CDKAL1: variants seen among roughly 807,000 people sequenced by gnomAD.
CDKAL1 encodes threonylcarbamoyladenosine tRNA methylthiotransferase.
A neutral mutation model predicts 68.2 loss-of-function variants in CDKAL1; 32 were observed. The ratio of observed to expected loss-of-function variants is 0.47; its 90% CI spans 0.35 to 0.63. The LOEUF is 0.63. Among genes scored for constraint, CDKAL1 ranks in the 30% least tolerant of loss-of-function variants. The pLI, the probability that CDKAL1 is intolerant of heterozygous loss-of-function variation, is 0.00. For synonymous variants in CDKAL1, 234 were observed against 244.3 expected (o/e 0.96, Z 0.39); for missense variants, 606 against 696.7 (o/e 0.87, Z 1.47).
chr6:20,587,161 A>AT (rs1388073985), intron 4 of CDKAL1, among the ~76,000 whole-genome samples: 1 of 151,280 alleles, frequency 6.6e-6, no homozygotes, highest in African/African-American at 2.4e-5. Flanking sequence ...TAATTTTTGT[A>AT]TTTTTAGTAG....
intron 5 of CDKAL1, among the ~76,000 whole-genome samples, chr6:20,652,122 A>T (rs557865422): frequency 2.5e-4 from 38 of 152,246 alleles, no homozygotes; most frequent in African/African-American, 8.4e-4. Flanking sequence ...TTTCAGGAGG[A>T]TGGCTTTTTG....
At chr6:20,894,474 T>C (rs181058653) in intron 9 of CDKAL1, among the ~76,000 whole-genome samples, 1 of 151,454 alleles carries the variant, frequency 6.6e-6, no homozygotes, top group East Asian at 1.9e-4. Context: ...TTATTAATAC[T>C]TCAAATTTTT....
At chr6:21,016,993 T>C (rs1418945456) in intron 11 of CDKAL1, among the ~76,000 whole-genome samples, 1 of 152,244 alleles carries the variant, frequency 6.6e-6, no homozygotes, top group East Asian at 1.9e-4. Context: ...CAAAATTGTT[T>C]CTTAGCTCCC....
In CDKAL1 at chr6:20,961,139, C is replaced by T. The variant is rs113378431; in HGVS notation, c.909+5554C>T. Among the ~76,000 whole-genome samples the T allele has an allele frequency of 1.8e-3, 272 of 152,280 alleles. 2 individuals carry two copies. Among genetic ancestry groups the T allele is most frequent in the African/African-American group, 6.0e-3 (250 of 41,552 alleles). On this transcript the variant is annotated intron_variant, in intron 10 of 15. Coordinates refer to ENST00000274695, the MANE Select transcript of CDKAL1 (RefSeq NM_017774.3). Reference sequence around the variant, plus strand: ...TTTATGTATTTAAGACACATGCATGCATATGTTCATTGCAGCACTATGCAC... The same window carrying T: ...TTTATGTATTTAAGACACATGCATGTATATGTTCATTGCAGCACTATGCAC...
rs1443429501 is a variant in CDKAL1, at chr6:21,012,446, T to TG, written c.1055+12075dup. On this transcript the variant is annotated intron_variant, in intron 11 of 15. Transcript: ENST00000274695. ...CTCTTATAAGTACATGATCTCTGGG[T>TG]GATGCTCTGTCCTTTTCAGGAAGTC... Among the ~76,000 whole-genome samples, 5 of 152,286 alleles carry TG rather than the reference T, an allele frequency of 3.3e-5. No individual in the cohort carries two copies. In the East Asian group the frequency reaches 9.7e-4, roughly 29 times the overall value.
At chr6:20,918,092 C>T (rs1762797309) in intron 9 of CDKAL1, among the ~76,000 whole-genome samples, 1 of 152,198 alleles carries the variant, frequency 6.6e-6, no homozygotes. Context: ...GCCAGGGCGA[C>T]AGCCCAAGAC....
intron 10 of CDKAL1, among the ~76,000 whole-genome samples, chr6:20,992,408 TAAG>T (rs533385366): frequency 1.2e-3 from 175 of 151,978 alleles, no homozygotes; most frequent in Non-Finnish European, 1.9e-3. Flanking sequence ...ATTTTTCTAA[TAAG>T]ATCTTATATG....
intron 9 of CDKAL1, among the ~76,000 whole-genome samples, chr6:20,889,169 C>G (rs1394048988): frequency 1.3e-5 from 2 of 151,984 alleles, no homozygotes; most frequent in African/African-American, 4.8e-5. Context: ...TAAATGTCTT[C>G]TTTTGAGAAG....
intron 4 of CDKAL1, among the ~76,000 whole-genome samples, chr6:20,638,537 A>G (rs1298124259): frequency 6.6e-6 from 1 of 151,900 alleles, no homozygotes; most frequent in Non-Finnish European, 1.5e-5. Flanking sequence ...GGCCCTGGAA[A>G]GTCCATTTGG....
At chr6:20,811,236 G>A (rs1050312568) in intron 8 of CDKAL1, among the ~76,000 whole-genome samples, 1 of 152,132 alleles carries the variant, frequency 6.6e-6, no homozygotes, top group Non-Finnish European at 1.5e-5. Context: ...GTAGGCCCAA[G>A]GCCTGTGTAC....
chr6:21,053,441 G>A (rs1770651520), intron 11 of CDKAL1, among the ~76,000 whole-genome samples: 6 of 152,278 alleles, frequency 3.9e-5, no homozygotes, highest in Middle Eastern at 3.4e-3. Context: ...CCAAGTACAG[G>A]TCTTCGTGTG....
In CDKAL1 at chr6:20,976,431, T is replaced by A. The variant is rs1765848940; in HGVS notation, c.909+20846T>A. Among the ~76,000 whole-genome samples, 3 of 152,350 alleles carry A rather than the reference T, an allele frequency of 2.0e-5. No homozygotes were observed. In the South Asian group the frequency reaches 6.2e-4, roughly 32 times the overall value. On this transcript the variant is annotated intron_variant, in intron 10 of 15. Coordinates refer to ENST00000274695, the MANE Select transcript of CDKAL1 (RefSeq NM_017774.3). ...ATGAATCCATTTGTTCCTTCATTTA[T>A]GATGACTGGACCGTAGCTCCTTGAC...
intron 5 of CDKAL1, among the ~76,000 whole-genome samples, chr6:20,737,894 TTCTC>T (rs1773268657): frequency 6.6e-6 from 1 of 152,248 alleles, no homozygotes; most frequent in African/African-American, 2.4e-5. Flanking sequence ...TATTTAATCA[TTCTC>T]TCTGTACTTC....
rs1773762406 is a variant in CDKAL1 at position 20,748,554 on chromosome 6, G to GAAAAAAAAAAAAAAAAAAAAAA, written c.468+8939_468+8940insAAAAAAAAAAAAAAAAAAAAAA. ...GGAAAGAGAGCAAGACTCTGTTTCT[G>GAAAAAAAAAAAAAAAAAAAAAA]GAAAAAAAAAAAAAAAAAAAAAAAA... is the stretch of plus-strand genomic sequence containing the variant. On this transcript the variant is annotated intron_variant, in intron 6 of 15. Coordinates refer to ENST00000274695, the MANE Select transcript of CDKAL1 (RefSeq NM_017774.3). Among the ~76,000 whole-genome samples the GAAAAAAAAAAAAAAAAAAAAAA allele has an allele frequency of 6.5e-5, 5 of 77,106 alleles. 1 individual carries two copies. The highest frequency in any genetic ancestry group is 1.9e-4 in the African/African-American group (4 of 20,998). The allele number at this position is 77,106 out of a possible 152,430, so 50.6% of individuals were successfully genotyped here.
At chr6:21,224,357 T>C (rs2151127164) in intron 15 of CDKAL1, among the ~76,000 whole-genome samples, 1 of 152,162 alleles carries the variant, frequency 6.6e-6, no homozygotes, top group South Asian at 2.1e-4. Context: ...TGAAACCCCA[T>C]CTCTACTAAA....
intron 11 of CDKAL1, among the ~76,000 whole-genome samples, chr6:21,025,068 A>G (rs1299139808): frequency 1.3e-5 from 2 of 152,216 alleles, no homozygotes; most frequent in Non-Finnish European, 2.9e-5. Context: ...TTGTTGCCCA[A>G]TAAGGACAGA....
chr6:20,580,450 A>C (rs1765096437), intron 4 of CDKAL1, among the ~76,000 whole-genome samples: 2 of 152,070 alleles, frequency 1.3e-5, no homozygotes, highest in South Asian at 4.2e-4. Flanking sequence ...TGGGAGTCTC[A>C]GGATGCATCA....
At chr6:20,837,118 C>T (rs1007505158) in intron 8 of CDKAL1, among the ~76,000 whole-genome samples, 2 of 152,178 alleles carry the variant, frequency 1.3e-5, no homozygotes, top group African/African-American at 4.8e-5. Context: ...TGGGTAATTA[C>T]ATAAATGCTT....
At chr6:20,807,186 G>GTTAT (rs1278860642) in intron 8 of CDKAL1, among the ~76,000 whole-genome samples, 6 of 151,356 alleles carry the variant, frequency 4.0e-5, no homozygotes, top group South Asian at 4.2e-4. Context: ...AAGTTTTACT[G>GTTAT]TTATTTATTT....
Sources: allele counts gnomAD v4.1 joint callset (sites outside exome capture counted in the v4.1 genomes callset), GRCh38; gene constraint gnomAD v4.1.1; transcripts MANE v1.5; gene names NCBI Gene and HGNC (gene_info 2026-07-23, HGNC 2026-07-21).